Variants in SLC17A9 observed in about 807,000 individuals in gnomAD.
SLC17A9 encodes voltage-gated purine nucleotide uniporter SLC17A9.
SLC17A9 carries 49 observed loss-of-function variants against 55.0 expected under a neutral mutation model. That is an observed-to-expected ratio of 0.89 (90% CI 0.71 to 1.13). SLC17A9 has a LOEUF of 1.13. SLC17A9 is among the 50% of genes most tolerant of loss of function. The pLI, the probability that SLC17A9 is intolerant of heterozygous loss-of-function variation, is 0.00. For synonymous variants in SLC17A9, 256 were observed against 247.4 expected (o/e 1.03, Z -0.32); for missense variants, 526 against 569.3 (o/e 0.92, Z 0.77).
chr20:62,967,191 A>G (rs936974626), intron 12 of SLC17A9, 146 bp from the exon 13 acceptor site: 1 of 932,328 alleles, frequency 1.1e-6, no homozygotes, highest in African/African-American at 1.6e-5. Context: ...CAGCTGGGAC[A>G]CTGAATTCAG....
At position 62,957,503 on chromosome 20, in the gene SLC17A9, C is replaced by T. The variant is rs1425520054; in HGVS notation, c.320C>T (p.Thr107Ile). 1 of 1,610,090 alleles carries T rather than the reference C, an allele frequency of 6.2e-7. No individual in the cohort carries two copies. Among genetic ancestry groups the T allele is most frequent in the Non-Finnish European group, 8.5e-7 (1 of 1,178,860 alleles). ...GCCTGGGGCTCCATCACGGCCGTCACCCCACTGCTCGCCCACCTGAGCAGT... is the reference window on the plus strand; with the variant it reads ...GCCTGGGGCTCCATCACGGCCGTCATCCCACTGCTCGCCCACCTGAGCAGT... ...ASAWGSITAV[T>I]PLLAHLSSAH... Residue 107 changes from threonine (T) to isoleucine (I), a missense_variant, in exon 3 of 13, where the codon ACC becomes ATC. Thr to Ile is a moderately conservative substitution (Grantham distance 89, BLOSUM62 -1). Coordinates refer to ENST00000370351, the MANE Select transcript of SLC17A9 (RefSeq NM_022082.4).
At chr20:62,964,416 C>T (rs41308102) in intron 8 of SLC17A9, 101 bp downstream of exon 8, 6 of 1,195,570 alleles carry the variant, frequency 5.0e-6, no homozygotes, top group South Asian at 2.4e-5. Context: ...CTTCAGCACA[C>T]GGAGAGCTGG....
rs1429043456 is a variant in SLC17A9, at chr20:62,956,886, G to A, written c.181G>A (p.Glu61Lys). The A allele has an allele frequency of 3.7e-6, 6 of 1,613,644 alleles. No individual in the cohort carries two copies. Among genetic ancestry groups the A allele is most frequent in the Non-Finnish European group, 5.1e-6 (6 of 1,180,022 alleles). Residue 61 changes from glutamate (E) to lysine (K), a missense_variant, in exon 2 of 13, where the codon GAG becomes AAG. Physicochemically the swap from Glu to Lys is moderately conservative, Grantham distance 56 (BLOSUM62 1). Coordinates refer to ENST00000370351, the MANE Select transcript of SLC17A9 (RefSeq NM_022082.4). ...CCAGGACTTCGGCTGGAACAAGAAG[G>A]AGGCCGGCATCGTGCTCAGCAGCTT... ...MSQDFGWNKK[E>K]AGIVLSSFFW...
At position 62,967,301 on chromosome 20, in the gene SLC17A9, G is replaced by A. The variant is rs539936928; in HGVS notation, c.1148-36G>A. On this transcript the variant is annotated intron_variant, in intron 12 of 12. Coordinates refer to ENST00000370351, the MANE Select transcript of SLC17A9 (RefSeq NM_022082.4). ...GTGGGGTGTGGGGCCTGGGCTGCCC[G>A]GGAGCACTCAGCCCGCCTGGCCCTC... is the stretch of plus-strand genomic sequence containing the variant. 53 of 1,611,402 alleles carry A rather than the reference G, an allele frequency of 3.3e-5. No homozygotes were observed. In the Middle Eastern group the frequency reaches 5.0e-4, roughly 15 times the overall value.
In SLC17A9 at chr20:62,962,820, C is replaced by T; in HGVS notation, c.628+66C>T. 2 of 1,592,176 alleles carry T rather than the reference C, an allele frequency of 1.3e-6. No homozygotes were observed. Among genetic ancestry groups the T allele is most frequent in the Non-Finnish European group, 8.6e-7 (1 of 1,168,056 alleles). ...TGCCCAGTGCCTCCTCCCCTGGTGG[C>T]AGCCGCTGAGCAGCCTGGAGCAGGA... On this transcript the variant is annotated intron_variant, in intron 5 of 12. Transcript: ENST00000370351. The surrounding 1 kb of genome is among the most constrained non-coding windows in gnomAD (Gnocchi z 5.5).
chr20:62,952,904 AG>A lies in SLC17A9; in HGVS notation c.59+19del. 1.3e-5 allele frequency: 1 copy of A among 79,394 alleles called. No homozygotes were observed. Among genetic ancestry groups the A allele is most frequent in the Non-Finnish European group, 2.4e-5 (1 of 41,530 alleles). 4.9% of individuals were successfully genotyped at this position (79,394 alleles called of 1,614,324 possible). On this transcript the variant is annotated intron_variant, in intron 1 of 12. Coordinates refer to ENST00000370351, the MANE Select transcript of SLC17A9 (RefSeq NM_022082.4). ...CAGTGGTCCAGGTGTGGCGGGGGTG[AG>A]GGGAGGGGGGGTGGGAGCGGTGGAG...
At chr20:62,957,649 G>A (rs987923508) in intron 3 of SLC17A9, 69 bp downstream of exon 3, 236 of 1,359,260 alleles carry the variant, frequency 1.7e-4, no homozygotes, top group Non-Finnish European at 1.6e-4. Context: ...GGGTGTGCAC[G>A]GATGTGTGTG....
chr20:62,953,469 G>T (rs1049461221), intron 1 of SLC17A9, among the ~76,000 whole-genome samples: 1 of 152,238 alleles, frequency 6.6e-6, no homozygotes, highest in African/African-American at 2.4e-5. Context: ...GGCAGGTGAC[G>T]CCTCAGAAAC....
chr20:62,956,745 G>T lies in SLC17A9; in HGVS notation c.60-20G>T. 6.2e-7 allele frequency: 1 copy of T among 1,605,708 alleles called. No homozygotes were observed. Among genetic ancestry groups the T allele is most frequent in the South Asian group, 1.1e-5 (1 of 90,196 alleles). On this transcript the variant is annotated intron_variant, in intron 1 of 12. Transcript: ENST00000370351. ...GGGCCGTGGGGCCTCCCCAGGGCCT[G>T]ACCATCTCCTGTCCCACAGGCCCGA...
chr20:62,967,161 C>T (rs1568918864), intron 12 of SLC17A9, 176 bp from the exon 13 acceptor site: 1 of 739,272 alleles, frequency 1.4e-6, no homozygotes, highest in Non-Finnish European at 2.2e-6. Flanking sequence ...CCAAGACCCT[C>T]CAAGTCTGAG....
intron 9 of SLC17A9, 23 bp from the exon 10 acceptor site, chr20:62,965,587 G>T (rs537345972): frequency 6.2e-7 from 1 of 1,606,474 alleles, no homozygotes. Context: ...GTGCCTCTCC[G>T]TCACGGTGGC....
Position 62,960,529 on chromosome 20 carries a change from C to A in SLC17A9, c.423C>A (p.Ser141Arg). 6.2e-7 allele frequency: 1 copy of A among 1,613,598 alleles called. No individual in the cohort carries two copies. The highest frequency in any genetic ancestry group is 8.5e-7 in the Non-Finnish European group (1 of 1,179,972). ...GGGTTTACTTCCCTGCCCTGACCAG[C>A]CTGCTGTCGCAGAAGGTGCGGGAGA... ...LQGVYFPALT[S>R]LLSQKVRESE... Residue 141 changes from serine (S) to arginine (R), a missense_variant, in exon 4 of 13, where the codon AGC becomes AGA. Physicochemically the swap from Ser to Arg is moderately radical, Grantham distance 110. Coordinates refer to ENST00000370351, the MANE Select transcript of SLC17A9 (RefSeq NM_022082.4).
Position 62,960,408 on chromosome 20 carries a change from G to A in SLC17A9, c.398-96G>A, listed in dbSNP as rs1285924767. 1.4e-5 allele frequency: 16 copies of A among 1,151,580 alleles called. No homozygotes were observed. In the South Asian group the frequency reaches 2.2e-4, roughly 16 times the overall value. The allele number at this position is 1,151,580 out of a possible 1,614,324, so 71.3% of individuals were successfully genotyped here. ...GGGGAGGTGAGCTAGAGGGACAGGT[G>A]GACGTCCTCTGGAATCACAGCCCAA... On this transcript the variant is annotated intron_variant, in intron 3 of 12. Coordinates refer to ENST00000370351, the MANE Select transcript of SLC17A9 (RefSeq NM_022082.4).
At chr20:62,955,154 A>G (rs1368050140) in intron 1 of SLC17A9, among the ~76,000 whole-genome samples, 1 of 148,966 alleles carries the variant, frequency 6.7e-6, no homozygotes, top group East Asian at 2.0e-4. Flanking sequence ...TTTTTTTGAG[A>G]TGGAGTCTCG....
Position 62,962,811 on chromosome 20 carries a change from C to A in SLC17A9, c.628+57C>A. The stretch of plus-strand genomic sequence containing the variant: ...GCCCACAGCTGCCCAGTGCCTCCTC[C>A]CCTGGTGGCAGCCGCTGAGCAGCCT... On this transcript the variant is annotated intron_variant, in intron 5 of 12. Coordinates refer to ENST00000370351, the MANE Select transcript of SLC17A9 (RefSeq NM_022082.4). This position sits in a 1 kb window ranked among gnomAD's most constrained non-coding sequence, Gnocchi z 5.5. 6.3e-7 allele frequency: 1 copy of A among 1,598,492 alleles called. No individual in the cohort carries two copies. The highest frequency in any genetic ancestry group is 8.5e-7 in the Non-Finnish European group (1 of 1,170,808).
Position 62,966,687 on chromosome 20 carries a change from T to C in SLC17A9, c.1118-16T>C. 6.2e-7 allele frequency: 1 copy of C among 1,613,910 alleles called. No individual in the cohort carries two copies. The highest frequency in any genetic ancestry group is 8.5e-7 in the Non-Finnish European group (1 of 1,179,932). Reference sequence around the variant, plus strand: ...GCTGACCATCCATATTCTCTCTCGCTCTGGCCTCTTCACAGGTGTGGCCAA... The same window carrying C: ...GCTGACCATCCATATTCTCTCTCGCCCTGGCCTCTTCACAGGTGTGGCCAA... On this transcript the variant is annotated splice_polypyrimidine_tract_variant and intron_variant, in intron 11 of 12. Transcript: ENST00000370351.
At chr20:62,963,393 C>G in intron 6 of SLC17A9, 24 bp downstream of exon 6, 1 of 1,609,258 alleles carries the variant, frequency 6.2e-7, no homozygotes, top group African/African-American at 1.3e-5. Context: ...TGTGCCACCC[C>G]TTGGAGCAGC....
At chr20:62,963,491 T>G in intron 6 of SLC17A9, 93 bp from the exon 7 acceptor site, 1 of 1,510,258 alleles carries the variant, frequency 6.6e-7, no homozygotes, top group Non-Finnish European at 9.0e-7. Context: ...GAAGTGGGAC[T>G]CTGGCCCCCA....
At chr20:62,965,390 G>T (rs1389367540) in intron 9 of SLC17A9, among the ~76,000 whole-genome samples, 1 of 152,006 alleles carries the variant, frequency 6.6e-6, no homozygotes, top group Non-Finnish European at 1.5e-5. Flanking sequence ...GCCTGAGCTT[G>T]CCCACGTCGA....
Sources: allele counts gnomAD v4.1 joint callset (sites outside exome capture counted in the v4.1 genomes callset), GRCh38; gene constraint gnomAD v4.1.1; non-coding constraint Gnocchi (gnomAD v3.1); transcripts MANE v1.5; gene names NCBI Gene and HGNC (gene_info 2026-07-23, HGNC 2026-07-21).